Variants in GPBP1 observed in about 807,000 individuals in gnomAD.
GPBP1 encodes vasculin.
GPBP1 carries 13 observed loss-of-function variants against 56.5 expected under a neutral mutation model. The observed-to-expected ratio is 0.23, with a 90% CI of 0.15 to 0.37. The LOEUF (loss-of-function observed/expected upper bound fraction) is 0.37, where lower values mean the gene tolerates loss of function less well. GPBP1 is among the 10% of genes least tolerant of loss of function. The pLI is 1.00. For missense variants in GPBP1, 477 were observed against 572.3 expected, an observed-to-expected ratio of 0.83 and a Z score of 1.70; for synonymous variants, 204 against 188.9, an observed-to-expected ratio of 1.08 and a Z score of -0.66.
intron 3 of GPBP1, among the ~76,000 whole-genome samples, chr5:57,229,604 C>CACTGCA (rs1176098949): frequency 1.3e-5 from 2 of 152,002 alleles, no homozygotes; most frequent in South Asian, 2.1e-4. Context: ...CATCTCGGCT[C>CACTGCA]ACTGCAACTG....
intron 2 of GPBP1, among the ~76,000 whole-genome samples, chr5:57,203,139 A>G (rs1236316385): frequency 1.3e-5 from 2 of 152,208 alleles, no homozygotes; most frequent in Non-Finnish European, 2.9e-5. Context: ...AATATGTCTC[A>G]AAAATTGAGA....
In GPBP1 at chr5:57,176,203, G is replaced by A. The variant is rs1386393234; in HGVS notation, c.-255G>A. ...TAAATCTAAAGAACTTGGCTAATTC[G>A]GGAGATAGCCATATGAAAACTTTAA... is the stretch of plus-strand genomic sequence containing the variant. On this transcript the variant is annotated 5_prime_UTR_variant, in exon 2 of 12. Coordinates refer to ENST00000506184, the MANE Select transcript of GPBP1 (RefSeq NM_022913.4). The A allele has an allele frequency of 2.5e-6, 1 of 392,172 alleles. No homozygotes were observed. The highest frequency in any genetic ancestry group is 2.1e-5 in the African/African-American group (1 of 48,504). The allele number at this position is 392,172 out of a possible 1,614,324, so 24.3% of individuals were successfully genotyped here.
chr5:57,258,102 T>C (rs1741741808), intron 10 of GPBP1, among the ~76,000 whole-genome samples: 1 of 152,202 alleles, frequency 6.6e-6, no homozygotes, highest in Admixed American at 6.5e-5. Flanking sequence ...GTTTGTTCTT[T>C]AGAAAGTGAG....
chr5:57,214,108 T>C lies in GPBP1; in HGVS notation c.-23T>C. ...ATGAGGTGTTGAAGCCTTGTTTCAC[T>C]GAGTTGGAGAGACTGGACCTAAATG... On this transcript the variant is annotated 5_prime_UTR_variant, in exon 3 of 12. Transcript: ENST00000506184. 2 of 1,610,082 alleles carry C rather than the reference T, an allele frequency of 1.2e-6. No homozygotes were observed. The highest frequency in any genetic ancestry group is 1.7e-6 in the Non-Finnish European group (2 of 1,176,366).
At chr5:57,192,530 G>A (rs1000126922) in intron 2 of GPBP1, among the ~76,000 whole-genome samples, 2 of 151,984 alleles carry the variant, frequency 1.3e-5, no homozygotes, top group African/African-American at 2.4e-5. Context: ...GAGGTAGGTG[G>A]ATCACCTGAG....
intron 6 of GPBP1, among the ~76,000 whole-genome samples, chr5:57,243,788 G>A (rs900710308): frequency 4.0e-5 from 6 of 151,724 alleles, no homozygotes; most frequent in Non-Finnish European, 7.4e-5. Flanking sequence ...GGGCTCAAGG[G>A]ATTCTCCTAT....
At chr5:57,252,602 A>G (rs1369590180) in intron 10 of GPBP1, among the ~76,000 whole-genome samples, 1 of 152,140 alleles carries the variant, frequency 6.6e-6, no homozygotes, top group African/African-American at 2.4e-5. Flanking sequence ...TATGTTGCGT[A>G]GGCTAGTCTC....
At chr5:57,192,624 A>T (rs774502220) in intron 2 of GPBP1, among the ~76,000 whole-genome samples, 1 of 151,916 alleles carries the variant, frequency 6.6e-6, no homozygotes, top group Non-Finnish European at 1.5e-5. Context: ...GTGATGGTGA[A>T]TGGCTGTAAT....
rs1255598716 is a variant in GPBP1, at chr5:57,263,514, TACAC to T, written c.*765_*768del. The T allele has an allele frequency of 1.3e-5, 2 of 152,204 alleles. No individual in the cohort carries two copies. Among genetic ancestry groups the T allele is most frequent in the East Asian group, 3.8e-4 (2 of 5,204 alleles). The allele number at this position is 152,204 out of a possible 1,614,324, so 9.4% of individuals were successfully genotyped here. A position where few individuals can be genotyped will look rare whatever the true frequency, so the allele number is the denominator to read the frequency against. On this transcript the variant is annotated 3_prime_UTR_variant, in exon 12 of 12. Transcript: ENST00000506184. ...GAGAAAACTTATTTTGATAAATTAT[TACAC>T]ACGCAGAAAAACTGATCACACTGAC...
At chr5:57,249,166 C>A (rs1580074039) in intron 8 of GPBP1, 1 of 347,852 alleles carries the variant, frequency 2.9e-6, no homozygotes, top group Non-Finnish European at 5.2e-6. Flanking sequence ...ATAATAGACA[C>A]CTAATTTAGA....
intron 1 of GPBP1, among the ~76,000 whole-genome samples, chr5:57,174,975 A>T (rs1471530995): frequency 6.6e-6 from 1 of 152,158 alleles, no homozygotes; most frequent in African/African-American, 2.4e-5. Context: ...CTCCTCTAGT[A>T]GACGTTCTGA....
At position 57,175,839 on chromosome 5, in the gene GPBP1, T is replaced by C. The variant is rs1753770988; in HGVS notation, c.-619T>C. On this transcript the variant is annotated 5_prime_UTR_variant, in exon 2 of 12. Transcript: ENST00000506184. Reference sequence around the variant, plus strand: ...GAGTATTGCTGAAGTTTCATGGCAGTTTATTTTTACCTTTATTGAAAGTTT... The same window carrying C: ...GAGTATTGCTGAAGTTTCATGGCAGCTTATTTTTACCTTTATTGAAAGTTT... 5.0e-6 allele frequency: 2 copies of C among 397,196 alleles called. No homozygotes were observed. Among genetic ancestry groups the C allele is most frequent in the Non-Finnish European group, 8.9e-6 (2 of 225,662 alleles). The allele number at this position is 397,196 out of a possible 1,614,324, so 24.6% of individuals were successfully genotyped here.
rs144990560 is a variant in GPBP1 at position 57,233,398 on chromosome 5, A to T, written c.411+2077A>T. On this transcript the variant is annotated intron_variant, in intron 5 of 11. Transcript: ENST00000506184. ...AATAATCATAACATTAAAATTTTAC[A>T]GTATAGTTGACCCTTGAATAACACA... Among the ~76,000 whole-genome samples, 13 of 152,234 alleles carry T rather than the reference A, an allele frequency of 8.5e-5. No homozygotes were observed. In the East Asian group the frequency reaches 2.3e-3, roughly 27 times the overall value.
At chr5:57,239,974 A>C (rs958657843) in intron 6 of GPBP1, among the ~76,000 whole-genome samples, 6 of 152,062 alleles carry the variant, frequency 3.9e-5, no homozygotes, top group African/African-American at 1.2e-4. Flanking sequence ...ATTAATTGGA[A>C]AGCTTGCTGG....
chr5:57,215,218 A>G (rs946680866), intron 3 of GPBP1, among the ~76,000 whole-genome samples: 1 of 152,242 alleles, frequency 6.6e-6, no homozygotes, highest in African/African-American at 2.4e-5. Flanking sequence ...TTTGTTCATA[A>G]TTCCATGAAT....
intron 3 of GPBP1, among the ~76,000 whole-genome samples, chr5:57,216,515 A>C (rs1313234001): frequency 1.3e-5 from 2 of 152,182 alleles, no homozygotes; most frequent in Non-Finnish European, 2.9e-5. Context: ...TGAGGTCAAG[A>C]ATTCGAGACC....
intron 2 of GPBP1, among the ~76,000 whole-genome samples, chr5:57,211,617 C>T (rs930885053): frequency 6.9e-5 from 10 of 144,908 alleles, no homozygotes; most frequent in Admixed American, 4.4e-4. Context: ...ATGGAGTTTC[C>T]TCCTTGCCCA....
At chr5:57,183,765 A>ATTTTTTTTTTTTTTTTTTTTTTT (rs34608817) in intron 2 of GPBP1, among the ~76,000 whole-genome samples, 6 of 133,282 alleles carry the variant, frequency 4.5e-5, no homozygotes, top group Non-Finnish European at 6.2e-5. Context: ...GGGGATATGA[A>ATTTTTTTTTTTTTTTTTTTTTTT]TTTTTTTTTT....
intron 6 of GPBP1, among the ~76,000 whole-genome samples, chr5:57,241,165 T>G (rs1740808126): frequency 6.6e-6 from 1 of 152,094 alleles, no homozygotes; most frequent in Non-Finnish European, 1.5e-5. Flanking sequence ...AGTGATTGAG[T>G]CAGAAACTTC....
Sources: allele counts gnomAD v4.1 joint callset (sites outside exome capture counted in the v4.1 genomes callset), GRCh38; gene constraint gnomAD v4.1.1; transcripts MANE v1.5; gene names NCBI Gene and HGNC (gene_info 2026-07-23, HGNC 2026-07-21).